The following GPR63 variants were observed in gnomAD, a reference collection of about 807,000 sequenced individuals.
GPR63 encodes probable G protein-coupled receptor 63.
GPR63 carries 12 observed loss-of-function variants against 23.1 expected under a neutral mutation model. That is an observed-to-expected ratio of 0.52 (90% CI 0.33 to 0.84). GPR63 has a LOEUF of 0.84. Among genes scored for constraint, GPR63 ranks in the 40% least tolerant of loss-of-function variants. The pLI, the probability that GPR63 is intolerant of heterozygous loss-of-function variation, is 0.02. For synonymous variants in GPR63, 172 were observed against 191.1 expected, an observed-to-expected ratio of 0.90 and a Z score of 0.82; for missense variants, 472 against 515.6, an observed-to-expected ratio of 0.92 and a Z score of 0.82.
intron 1 of GPR63, among the ~76,000 whole-genome samples, chr6:96,808,400 C>T (rs1017794641): frequency 1.5e-4 from 23 of 152,132 alleles, no homozygotes; most frequent in Non-Finnish European, 8.8e-5. Flanking sequence ...GGTAAAAATA[C>T]AATAAAGCTC....
At chr6:96,817,741 T>C (rs998668093) in intron 1 of GPR63, among the ~76,000 whole-genome samples, 2 of 151,942 alleles carry the variant, frequency 1.3e-5, no homozygotes, top group Non-Finnish European at 1.5e-5. Context: ...GACACAAATA[T>C]GTATATACAA....
intron 1 of GPR63, among the ~76,000 whole-genome samples, chr6:96,819,938 G>A (rs1222828559): frequency 7.6e-6 from 1 of 132,294 alleles, no homozygotes; most frequent in African/African-American, 2.9e-5. Context: ...ATCGCTCACT[G>A]CACTCCAGCC....
chr6:96,797,045 C>T lies in GPR63; in HGVS notation c.*1427G>A, dbSNP rs1185732418. The T allele has an allele frequency of 2.6e-5, 4 of 151,902 alleles. No individual in the cohort carries two copies. The East Asian group carries it at 7.8e-4, about 30-fold the overall frequency. 9.4% of individuals were successfully genotyped at this position (151,902 alleles called of 1,614,324 possible). ...GCAACATGGTGAAACCTTGTCTTTA[C>T]AAAAGAAAATACAAAAAAATAGCTG... On this transcript the variant is annotated 3_prime_UTR_variant, in exon 2 of 2. Transcript: ENST00000229955.
rs566398040 is a variant in GPR63, at chr6:96,801,875, G to C, written c.-150-1994C>G. Reference sequence around the variant, plus strand: ...AACCACAAAGGGGCCAGTGGGAAGAGAGCAGTGGTAGTTGGAAGATTTTAC... The same window carrying C: ...AACCACAAAGGGGCCAGTGGGAAGACAGCAGTGGTAGTTGGAAGATTTTAC... On this transcript the variant is annotated intron_variant, in intron 1 of 1. Coordinates refer to ENST00000229955, the MANE Select transcript of GPR63 (RefSeq NM_030784.4). Among the ~76,000 whole-genome samples, 44 of 152,304 alleles carry C rather than the reference G, an allele frequency of 2.9e-4. 2 individuals carry two copies. Among genetic ancestry groups the C allele is most frequent in the African/African-American group, 8.2e-4 (34 of 41,568 alleles).
rs9400311 is a variant in GPR63 at position 96,796,852 on chromosome 6, A to C, written c.*1620T>G. 0.23 allele frequency: 34,261 copies of C among 152,162 alleles called. 4,540 individuals carry two copies. The highest frequency in any genetic ancestry group is 0.37 in the East Asian group (1,927 of 5,176). 9.4% of individuals were successfully genotyped at this position (152,162 alleles called of 1,614,324 possible). A position where few individuals can be genotyped will look rare whatever the true frequency, so the allele number is the denominator to read the frequency against. On this transcript the variant is annotated 3_prime_UTR_variant, in exon 2 of 2. Transcript: ENST00000229955. ...ACTTGTTTTGCAAATCAAAAACAAAAAAAAAAATCACTGGTTTTGCTTCAC... is the reference window on the plus strand; with the variant it reads ...ACTTGTTTTGCAAATCAAAAACAAACAAAAAAATCACTGGTTTTGCTTCAC...
At chr6:96,818,646 G>T (rs1774223293) in intron 1 of GPR63, among the ~76,000 whole-genome samples, 1 of 152,108 alleles carries the variant, frequency 6.6e-6, no homozygotes, top group African/African-American at 2.4e-5. Flanking sequence ...AAGAAAAGCT[G>T]TATACATAAT....
intron 1 of GPR63, among the ~76,000 whole-genome samples, chr6:96,811,296 G>A (rs1343183866): frequency 6.6e-6 from 1 of 152,178 alleles, no homozygotes; most frequent in Non-Finnish European, 1.5e-5. Context: ...TGGCTGCTGG[G>A]AATAACCCAC....
At chr6:96,804,237 GC>G (rs1773842589) in intron 1 of GPR63, among the ~76,000 whole-genome samples, 1 of 152,052 alleles carries the variant, frequency 6.6e-6, no homozygotes. Flanking sequence ...CCACTGGAGT[GC>G]TTTATTTTAT....
intron 1 of GPR63, among the ~76,000 whole-genome samples, chr6:96,823,135 G>A (rs370931265): frequency 6.6e-6 from 1 of 152,262 alleles, no homozygotes; most frequent in East Asian, 1.9e-4. Flanking sequence ...AATAAAGGAT[G>A]TTACTGCTTT....
chr6:96,821,883 GA>G (rs141101585), intron 1 of GPR63, among the ~76,000 whole-genome samples: 2,414 of 152,120 alleles, frequency 0.016, 30 homozygotes, highest in Non-Finnish European at 0.028. Context: ...ACATCTGTTA[GA>G]CTCCCTACCC....
At chr6:96,825,380 T>G (rs531746466) in intron 1 of GPR63, among the ~76,000 whole-genome samples, 21 of 152,098 alleles carry the variant, frequency 1.4e-4, no homozygotes, top group Admixed American at 3.9e-4. Flanking sequence ...AATGATCAAC[T>G]CTCAAGTTTG....
In GPR63 at chr6:96,795,643, C is replaced by T. The variant is rs902098862; in HGVS notation, c.*2829G>A. On this transcript the variant is annotated 3_prime_UTR_variant, in exon 2 of 2. Transcript: ENST00000229955. ...TCCAGAGCTCTCACCAAATGAGGCA[C>T]TGCCTATTAAGCAGCATGAAAGTAC... is the stretch of plus-strand genomic sequence containing the variant. 3.3e-5 allele frequency: 5 copies of T among 152,090 alleles called. No homozygotes were observed. The highest frequency in any genetic ancestry group is 9.7e-5 in the African/African-American group (4 of 41,404). The allele number at this position is 152,090 out of a possible 1,614,324, so 9.4% of individuals were successfully genotyped here. A position where few individuals can be genotyped will look rare whatever the true frequency, so the allele number is the denominator to read the frequency against.
At chr6:96,831,539 A>G (rs1389556741) in intron 1 of GPR63, among the ~76,000 whole-genome samples, 1 of 152,198 alleles carries the variant, frequency 6.6e-6, no homozygotes, top group East Asian at 1.9e-4. Flanking sequence ...AAAAATATCA[A>G]TGCCCTTTTA....
chr6:96,815,488 AAAATCT>A (rs1350968176), intron 1 of GPR63, among the ~76,000 whole-genome samples: 9 of 152,188 alleles, frequency 5.9e-5, no homozygotes, highest in Admixed American at 3.3e-4. Flanking sequence ...ATAAGTTCTA[AAAATCT>A]TCTGTACAAC....
intron 1 of GPR63, among the ~76,000 whole-genome samples, chr6:96,831,732 C>A (rs1167559252): frequency 1.3e-5 from 2 of 151,884 alleles, no homozygotes; most frequent in Admixed American, 6.6e-5. Context: ...CATGGTGAAA[C>A]CCCCATCTAC....
At chr6:96,800,221 C>T (rs1773726730) in intron 1 of GPR63, among the ~76,000 whole-genome samples, 1 of 152,020 alleles carries the variant, frequency 6.6e-6, no homozygotes, top group Non-Finnish European at 1.5e-5. Context: ...AATTTTCATG[C>T]TTTGCTATAG....
chr6:96,824,232 A>G (rs9372238), intron 1 of GPR63, among the ~76,000 whole-genome samples: 152,162 of 152,182 alleles, frequency 1, 76,071 homozygotes, highest in Non-Finnish European at 1. Flanking sequence ...GTCTTTCACT[A>G]TAATAGATAA....
In GPR63 at chr6:96,796,736, C is replaced by G. The variant is rs213843; in HGVS notation, c.*1736G>C. 112,217 of 152,120 alleles carry G rather than the reference C, an allele frequency of 0.74. 41,496 individuals carry two copies. The highest frequency in any genetic ancestry group is 0.77 in the East Asian group (3,993 of 5,162). The allele number at this position is 152,120 out of a possible 1,614,324, so 9.4% of individuals were successfully genotyped here. Reference sequence around the variant, plus strand: ...AATACTATTCTGCCCAGAACACTTACAACTAACACAGATGGACAACTGGAA... The same window carrying G: ...AATACTATTCTGCCCAGAACACTTAGAACTAACACAGATGGACAACTGGAA... On this transcript the variant is annotated 3_prime_UTR_variant, in exon 2 of 2. Transcript: ENST00000229955.
At position 96,806,393 on chromosome 6, in the gene GPR63, AT is replaced by A. The variant is rs558812927; in HGVS notation, c.-150-6513del. Among the ~76,000 whole-genome samples, 538 of 152,340 alleles carry A rather than the reference AT, an allele frequency of 3.5e-3. 6 individuals are homozygous for A. The highest frequency in any genetic ancestry group is 0.012 in the African/African-American group (515 of 41,578). On this transcript the variant is annotated intron_variant, in intron 1 of 1. Transcript: ENST00000229955. Reference sequence around the variant, plus strand: ...AACATGCACCTCATTTGGGTATGTTATTCTGACCTATTTATCAAGTAGCTTG... The same window carrying A: ...AACATGCACCTCATTTGGGTATGTTATCTGACCTATTTATCAAGTAGCTTG...
Sources: allele counts gnomAD v4.1 joint callset (sites outside exome capture counted in the v4.1 genomes callset), GRCh38; gene constraint gnomAD v4.1.1; transcripts MANE v1.5; gene names NCBI Gene and HGNC (gene_info 2026-07-23, HGNC 2026-07-21).